COL6A3: variants seen among roughly 807,000 people sequenced by gnomAD.
COL6A3 encodes the protein collagen alpha-3(VI) chain.
In COL6A3, 137 loss-of-function variants were observed where a neutral mutation model predicts 274.1. The ratio of observed to expected loss-of-function variants is 0.50; its 90% CI spans 0.44 to 0.58. The LOEUF is 0.58. Ranked by LOEUF, COL6A3 falls within the 20% of genes least tolerant of loss-of-function variation. The probability of loss-of-function intolerance (pLI) is 0.00; values close to 1 mark genes in which losing one functional copy is unlikely to be tolerated. For synonymous variants in COL6A3, 1,650 were observed against 1,650.6 expected (o/e 1.00, Z 0.01); for missense variants, 3,950 against 4,124.9 (o/e 0.96, Z 1.16).
chr2:237,383,662 C>T lies in COL6A3; in HGVS notation c.1313-2163G>A, dbSNP rs1293561052. On this transcript the variant is annotated intron_variant, in intron 4 of 43. Transcript: ENST00000295550. ...GAAAAATAGACAAATACTCATATAA[C>T]AATGACCTGAGAAGCTACTTGCTCC... Among the ~76,000 whole-genome samples, 3 of 152,090 alleles carry T rather than the reference C, an allele frequency of 2.0e-5. No homozygotes were observed. The South Asian group carries it at 6.2e-4, about 32-fold the overall frequency.
At position 237,352,548 on chromosome 2, in the gene COL6A3, C is replaced by T; in HGVS notation, c.6727G>A (p.Gly2243Arg). 1 of 1,613,430 alleles carries T rather than the reference C, an allele frequency of 6.2e-7. No homozygotes were observed. The highest frequency in any genetic ancestry group is 1.6e-4 in the Middle Eastern group (1 of 6,062). Residue 2243 changes from glycine (G) to arginine (R), a missense_variant, in exon 26 of 44, where the codon GGA becomes AGA. By Grantham distance (125) the Gly-to-Arg change is moderately radical. This residue lies in a region of COL6A3 where 1,284 missense variants were observed against 1,349.7 expected (regional missense o/e 0.95). Coordinates refer to ENST00000295550, the MANE Select transcript of COL6A3 (RefSeq NM_004369.4). The part of the protein sequence containing the change: ...AGPAGPPGLI[G>R]EQGISGPRGS... ...CGAGGTCCAGAAATGCCTTGTTCTC[C>T]TATCAGCCCTGGAGGACCAGCAGGA...
At position 237,340,928 on chromosome 2, in the gene COL6A3, C is replaced by T; in HGVS notation, c.7988G>A (p.Arg2663Lys). ...GGGCGCGTGCTGCACAACTGCCACT[C>T]TGGCGAAGTGCTGGGAGGCCTTGGG... ...PDPKASQHFA[R>K]VAVVQHAPSE... The change falls in exon 38 of 44, where the codon AGA (arginine) becomes AAA (lysine). Residue 2663 changes from arginine to lysine, a missense_variant. Arg to Lys is a conservative substitution (Grantham distance 26). Around this residue, in one of 5 missense-constraint regions of COL6A3, gnomAD observed 1,284 missense variants for 1,349.7 expected, o/e 0.95. Coordinates refer to ENST00000295550, the MANE Select transcript of COL6A3 (RefSeq NM_004369.4). 6.2e-7 allele frequency: 1 copy of T among 1,613,344 alleles called. No homozygotes were observed. Among genetic ancestry groups the T allele is most frequent in the Non-Finnish European group, 8.5e-7 (1 of 1,179,354 alleles).
chr2:237,367,409 C>T, intron 10 of COL6A3, 123 bp from the exon 11 acceptor site: 4 of 1,220,124 alleles, frequency 3.3e-6, no homozygotes, highest in South Asian at 1.6e-5. Flanking sequence ...ACAGTGAAAC[C>T]TTCACTCAAA....
intron 1 of COL6A3, among the ~76,000 whole-genome samples, chr2:237,410,539 A>C (rs1320804495): frequency 1.3e-5 from 2 of 152,126 alleles, no homozygotes; most frequent in Admixed American, 6.5e-5. Context: ...TCCTGGGCTC[A>C]AGCGATCCGC....
In COL6A3 at chr2:237,371,662, A is replaced by T. The variant is rs775564655; in HGVS notation, c.4285+70T>A. The T allele has an allele frequency of 2.0e-6, 3 of 1,524,986 alleles. No individual in the cohort carries two copies. Among genetic ancestry groups the T allele is most frequent in the East Asian group, 4.5e-5 (2 of 44,220 alleles). 94.5% of individuals were successfully genotyped at this position (1,524,986 alleles called of 1,614,324 possible). On this transcript the variant is annotated intron_variant, in intron 9 of 43. Coordinates refer to ENST00000295550, the MANE Select transcript of COL6A3 (RefSeq NM_004369.4). This position sits in a 1 kb window ranked among gnomAD's most constrained non-coding sequence, Gnocchi z 4.3. ...TTTAATTTAATTTATTATGAGTACC[A>T]TGGCCTTTGAGCCTGTTATTTTTCA...
chr2:237,341,993 T>C, intron 37 of COL6A3, 72 bp downstream of exon 37: 1 of 1,250,890 alleles, frequency 8.0e-7, no homozygotes, highest in Non-Finnish European at 1.2e-6. Context: ...ATCATTATTC[T>C]CTCACTCTCC....
chr2:237,377,434 G>C (rs2077879205), intron 6 of COL6A3, 90 bp from the exon 7 acceptor site: 1 of 1,323,726 alleles, frequency 7.6e-7, no homozygotes, highest in Admixed American at 1.7e-5. Context: ...GACAACAGGA[G>C]TTGGTGAAAC....
At position 237,368,497 on chromosome 2, in the gene COL6A3, T is replaced by C; in HGVS notation, c.4900+66A>G. 1 of 1,575,870 alleles carries C rather than the reference T, an allele frequency of 6.3e-7. No homozygotes were observed. The highest frequency in any genetic ancestry group is 1.8e-5 in the Admixed American group (1 of 56,592). On this transcript the variant is annotated intron_variant, in intron 10 of 43. Coordinates refer to ENST00000295550, the MANE Select transcript of COL6A3 (RefSeq NM_004369.4). The surrounding 1 kb of genome is among the most constrained non-coding windows in gnomAD (Gnocchi z 4.4). ...AAAATTATTAAAAATGACTACTGATTACTTTTTTAACTAAAAAAAAAATGT... is the reference window on the plus strand; with the variant it reads ...AAAATTATTAAAAATGACTACTGATCACTTTTTTAACTAAAAAAAAAATGT...
chr2:237,348,192 A>T (rs914191548), intron 30 of COL6A3, among the ~76,000 whole-genome samples, 157 bp downstream of exon 30: 4 of 152,218 alleles, frequency 2.6e-5, no homozygotes, highest in African/African-American at 9.6e-5. Flanking sequence ...GACAGATGAG[A>T]GAGTATTTTA....
At chr2:237,376,658 CTTTCCTGT>C in intron 7 of COL6A3, 106 bp downstream of exon 7, 1 of 1,055,364 alleles carries the variant, frequency 9.5e-7, no homozygotes, top group Non-Finnish European at 1.5e-6. Context: ...AATTTTCCAC[CTTTCCTGT>C]AAACTCAAGG....
intron 26 of COL6A3, among the ~76,000 whole-genome samples, chr2:237,351,861 T>C (rs558119992): frequency 1.9e-4 from 29 of 152,366 alleles, no homozygotes; most frequent in African/African-American, 6.0e-4. Context: ...GCTTCCACCA[T>C]AAAATATTTT....
chr2:237,339,572 T>A (rs1402801062), intron 38 of COL6A3, among the ~76,000 whole-genome samples: 1 of 152,236 alleles, frequency 6.6e-6, no homozygotes, highest in Non-Finnish European at 1.5e-5. Context: ...GCTTCACATT[T>A]TTCTTTGAAT....
intron 1 of COL6A3, among the ~76,000 whole-genome samples, chr2:237,410,908 G>A (rs893801171): frequency 6.6e-6 from 1 of 152,226 alleles, no homozygotes; most frequent in African/African-American, 2.4e-5. Flanking sequence ...AACCATTCTT[G>A]TCTAGTTCAT....
rs35490728 is a variant in COL6A3, at chr2:237,332,117, A to ATATATATATATATATATATTATATATATG, written c.9328+1332_9328+1333insCATATATATAATATATATATATATATATA. On this transcript the variant is annotated intron_variant, in intron 42 of 43. Transcript: ENST00000295550. ...TATATATATATATATATATATATATATGAAAAGAAAAACAAAACAGCCCAG... is the reference window on the plus strand; with the variant it reads ...TATATATATATATATATATATATATATATATATATATATATATATTATATATATGTGAAAAGAAAAACAAAACAGCCCAG... 2.5e-4 allele frequency among the ~76,000 whole-genome samples: 16 copies of ATATATATATATATATATATTATATATATG among 64,196 alleles called. 1 individual carries two copies. Among genetic ancestry groups the ATATATATATATATATATATTATATATATG allele is most frequent in the Admixed American group, 5.9e-4 (3 of 5,126 alleles). The allele number at this position is 64,196 out of a possible 152,430, so 42.1% of individuals were successfully genotyped here. A position where few individuals can be genotyped will look rare whatever the true frequency, so the allele number is the denominator to read the frequency against.
At chr2:237,360,457 GA>G (rs1044998663) in intron 16 of COL6A3, among the ~76,000 whole-genome samples, 9 of 152,230 alleles carry the variant, frequency 5.9e-5, no homozygotes, top group Middle Eastern at 3.4e-3. Flanking sequence ...TGTGGGTGCT[GA>G]ATCCCGGGAA....
intron 23 of COL6A3, chr2:237,357,120 G>T: frequency 1.5e-6 from 1 of 674,614 alleles, no homozygotes; most frequent in Non-Finnish European, 2.7e-6. Context: ...TATCTGTTCA[G>T]TATGTTTTTG....
At position 237,382,319 on chromosome 2, in the gene COL6A3, G is replaced by T. The variant is rs1003085840; in HGVS notation, c.1313-820C>A. ...AATCACTTGAACCTGGAAGGAGGAGGTTCCAGTAAGCCGGGATTGCACCAC... is the reference window on the plus strand; with the variant it reads ...AATCACTTGAACCTGGAAGGAGGAGTTTCCAGTAAGCCGGGATTGCACCAC... On this transcript the variant is annotated intron_variant, in intron 4 of 43. Transcript: ENST00000295550. Among the ~76,000 whole-genome samples, 7 of 152,084 alleles carry T rather than the reference G, an allele frequency of 4.6e-5. No homozygotes were observed. The South Asian group carries it at 1.2e-3, about 27-fold the overall frequency.
chr2:237,368,646 T>C lies in COL6A3; in HGVS notation c.4817A>G (p.Glu1606Gly), dbSNP rs1064796167. 2 of 1,614,030 alleles carry C rather than the reference T, an allele frequency of 1.2e-6. No individual in the cohort carries two copies. Among genetic ancestry groups the C allele is most frequent in the South Asian group, 1.1e-5 (1 of 91,072 alleles). Residue 1606 changes from glutamate to glycine, a missense_variant, in exon 10 of 44, where the codon GAA (glutamate) becomes GGA (glycine). Glu to Gly is a moderately conservative substitution (Grantham distance 98). This residue lies in a region of COL6A3 where 632 missense variants were observed against 623.4 expected (regional missense o/e 1.01). Transcript: ENST00000295550. This position sits in a 1 kb window ranked among gnomAD's most constrained non-coding sequence, Gnocchi z 4.4. ...VREFRELPNI[E>G]ERIMNSFGPS... ...TCCAAACGAGTTCATGATTCTTTCT[T>C]CTATGTTGGGAAGCTCTCTGAACTC... is the stretch of plus-strand genomic sequence containing the variant.
In COL6A3 at chr2:237,333,230, C is replaced by T. The variant is rs1048954171; in HGVS notation, c.9328+220G>A. 7.5e-5 allele frequency: 45 copies of T among 601,670 alleles called. 1 individual carries two copies. In the African/African-American group the frequency reaches 8.1e-4, roughly 11 times the overall value. The allele number at this position is 601,670 out of a possible 1,614,324, so 37.3% of individuals were successfully genotyped here. On this transcript the variant is annotated intron_variant, in intron 42 of 43. Transcript: ENST00000295550. ...TAGTGATAGCCCCAAAAGCACCTCC[C>T]ATCAAATTTTCACTGAGTCTGATCA...
Sources: gnomAD v4.1 joint callset for allele counts (sites outside exome capture counted in the v4.1 genomes callset) on GRCh38, gnomAD v4.1.1 for gene constraint, gnomAD v4.1.1 regional missense constraint, Gnocchi (gnomAD v3.1) non-coding constraint, MANE v1.5 for transcripts, NCBI Gene and HGNC (gene_info 2026-07-23, HGNC 2026-07-21) for gene names.